CYP46A1: variants seen among roughly 807,000 people sequenced by gnomAD.
The protein encoded by CYP46A1 is cholesterol 24-hydroxylase.
Under a neutral mutation model 63.3 loss-of-function variants are expected in CYP46A1, and 20 were observed. That is an observed-to-expected ratio of 0.32 (90% CI 0.22 to 0.46). The LOEUF (loss-of-function observed/expected upper bound fraction) is 0.46. CYP46A1 is among the 20% of genes least tolerant of loss of function. The pLI is 1.00. For synonymous variants in CYP46A1, 268 were observed against 273.6 expected (o/e 0.98, Z 0.20); for missense variants, 445 against 670.8 (o/e 0.66, Z 3.72).
intron 5 of CYP46A1, among the ~76,000 whole-genome samples, chr14:99,704,926 AGCCCCATGGTG>A (rs779636011): frequency 6.6e-5 from 10 of 152,312 alleles, no homozygotes; most frequent in Non-Finnish European, 1.0e-4. Context: ...TGTGTGCACC[AGCCCCATGGTG>A]GGCAGGAGCA....
rs927737426 is a variant in CYP46A1, at chr14:99,684,302, C to A, written c.-116C>A. ...CGAGCGGGCGGGGAGGGTGCTGGGT[C>A]GCGCCTGGCCTGGGGCCGAGGCGGC... On this transcript the variant is annotated 5_prime_UTR_variant, in exon 1 of 15. Transcript: ENST00000261835. 8 of 450,514 alleles carry A rather than the reference C, an allele frequency of 1.8e-5. No homozygotes were observed. Among genetic ancestry groups the A allele is most frequent in the Non-Finnish European group, 2.0e-5 (6 of 302,964 alleles). The allele number at this position is 450,514 out of a possible 1,614,324, so 27.9% of individuals were successfully genotyped here.
rs2056885131 is a variant in CYP46A1, at chr14:99,725,256, TGAG to T, written c.1177-133_1177-131del. The T allele has an allele frequency of 6.0e-6, 4 of 668,142 alleles. No individual in the cohort carries two copies. The East Asian group carries it at 1.1e-4, about 18-fold the overall frequency. 41.4% of individuals were successfully genotyped at this position (668,142 alleles called of 1,614,324 possible). On this transcript the variant is annotated intron_variant, in intron 12 of 14. Transcript: ENST00000261835. The surrounding 1 kb of genome is among the most constrained non-coding windows in gnomAD (Gnocchi z 4.2). The stretch of plus-strand genomic sequence containing the variant: ...CCAGTGCAATGGACACCAACCTAGA[TGAG>T]GGGTGAAGACATGGGGGGAGGAGAG...
In CYP46A1 at chr14:99,722,004, C is replaced by T. The variant is rs760720152; in HGVS notation, c.1114C>T (p.Arg372Cys). 6.2e-7 allele frequency: 1 copy of T among 1,613,778 alleles called. No individual in the cohort carries two copies. Among genetic ancestry groups the T allele is most frequent in the South Asian group, 1.1e-5 (1 of 91,060 alleles). ...RLYPPAWGTF[R>C]LLEEETLIDG... The stretch of plus-strand genomic sequence containing the variant: ...GTACCCACCAGCATGGGGCACCTTT[C>T]GCCTGCTGGAAGAGGAGACCTTGAT... The change falls in exon 12 of 15, where the codon CGC becomes TGC. Residue 372 changes from arginine (R) to cysteine (C), a missense_variant. Physicochemically the swap from Arg to Cys is radical, Grantham distance 180. Coordinates refer to ENST00000261835, the MANE Select transcript of CYP46A1 (RefSeq NM_006668.2). The surrounding 1 kb of genome is among the most constrained non-coding windows in gnomAD (Gnocchi z 4.6).
chr14:99,685,559 T>C (rs1038632931), intron 1 of CYP46A1, among the ~76,000 whole-genome samples: 1 of 151,974 alleles, frequency 6.6e-6, no homozygotes, highest in South Asian at 2.1e-4. Context: ...CACTCTGTGT[T>C]CGCTTGTGTA....
chr14:99,691,054 A>G lies in CYP46A1; in HGVS notation c.120-27A>G, dbSNP rs778465931. The G allele has an allele frequency of 3.1e-6, 5 of 1,608,334 alleles. No individual in the cohort carries two copies. The South Asian group carries it at 5.5e-5, about 18-fold the overall frequency. ...GCGTTCTTTCCTGTTGACTGCTGGT[A>G]AGCCTAATGTTTCCTGTTTCTTCTA... is the stretch of plus-strand genomic sequence containing the variant. On this transcript the variant is annotated intron_variant, in intron 1 of 14. Transcript: ENST00000261835.
intron 3 of CYP46A1, 60 bp downstream of exon 3, chr14:99,691,921 G>A: frequency 6.5e-7 from 1 of 1,530,564 alleles, no homozygotes; most frequent in Non-Finnish European, 9.1e-7. Context: ...TTGGGGGAGT[G>A]AAGCCTGGTC....
intron 4 of CYP46A1, among the ~76,000 whole-genome samples, chr14:99,699,809 C>T (rs1212310235): frequency 6.6e-6 from 1 of 152,108 alleles, no homozygotes; most frequent in Non-Finnish European, 1.5e-5. Context: ...TTTAAAATTC[C>T]GGTAAAACTG....
chr14:99,707,348 A>G (rs1403520084), intron 6 of CYP46A1, among the ~76,000 whole-genome samples: 1 of 152,200 alleles, frequency 6.6e-6, no homozygotes, highest in Non-Finnish European at 1.5e-5. Context: ...CTTGTCAAGG[A>G]AGAAAGCCAA....
At position 99,715,915 on chromosome 14, in the gene CYP46A1, A is replaced by C; in HGVS notation, c.799A>C (p.Arg267=). 1 of 1,464,520 alleles carries C rather than the reference A, an allele frequency of 6.8e-7. No individual in the cohort carries two copies. The highest frequency in any genetic ancestry group is 9.2e-7 in the Non-Finnish European group (1 of 1,088,304). 90.7% of individuals were successfully genotyped at this position (1,464,520 alleles called of 1,614,324 possible). A position where few individuals can be genotyped will look rare whatever the true frequency, so the allele number is the denominator to read the frequency against. The change falls in exon 8 of 15, where the codon AGG becomes CGG. Residue 267 remains arginine, a synonymous_variant. Coordinates refer to ENST00000261835, the MANE Select transcript of CYP46A1 (RefSeq NM_006668.2). ...CCAGCGCCGCCGGGAAGCCCTGAAG[A>C]GGGGCGAGGAGGTTCCTGCCGACAT... is the stretch of plus-strand genomic sequence containing the variant. ...WVQRRREALK[R]GEEVPADILT...
intron 5 of CYP46A1, among the ~76,000 whole-genome samples, chr14:99,700,572 A>C (rs1192215800): frequency 6.6e-6 from 1 of 152,194 alleles, no homozygotes; most frequent in Non-Finnish European, 1.5e-5. Flanking sequence ...TGATGCTGTA[A>C]CCATGGTAAT....
intron 1 of CYP46A1, chr14:99,684,830 C>T: frequency 2.0e-6 from 1 of 509,766 alleles, no homozygotes; most frequent in South Asian, 1.6e-5. Context: ...CTGAGGCGCT[C>T]AGAGGCGAAG....
intron 2 of CYP46A1, 72 bp from the exon 3 acceptor site, chr14:99,691,708 C>T (rs921984171): frequency 7.0e-7 from 1 of 1,422,388 alleles, no homozygotes; most frequent in Non-Finnish European, 9.9e-7. Flanking sequence ...ATCGGTTTCT[C>T]AGCTGGGCGG....
chr14:99,699,448 T>C lies in CYP46A1; in HGVS notation c.283-18T>C, dbSNP rs780371607. The C allele has an allele frequency of 1.2e-6, 2 of 1,613,444 alleles. No individual in the cohort carries two copies. Among genetic ancestry groups the C allele is most frequent in the Admixed American group, 1.7e-5 (1 of 59,980 alleles). On this transcript the variant is annotated intron_variant, in intron 3 of 14. Coordinates refer to ENST00000261835, the MANE Select transcript of CYP46A1 (RefSeq NM_006668.2). ...TCATGGGTGCATGAGCCTATGTTGG[T>C]TTTTTGGGGATATTTAGAAGTTCCT...
At position 99,725,516 on chromosome 14, in the gene CYP46A1, G is replaced by T. The variant is rs970483587; in HGVS notation, c.1265+37G>T. 6.6e-7 allele frequency: 1 copy of T among 1,514,286 alleles called. No homozygotes were observed. Among genetic ancestry groups the T allele is most frequent in the African/African-American group, 1.4e-5 (1 of 72,978 alleles). The allele number at this position is 1,514,286 out of a possible 1,614,324, so 93.8% of individuals were successfully genotyped here. A position where few individuals can be genotyped will look rare whatever the true frequency, so the allele number is the denominator to read the frequency against. ...CTGGAGCTGCCCATGAGTGGGGCTG[G>T]CGGGAGAAGGACAGACACAGCGGCC... On this transcript the variant is annotated intron_variant, in intron 13 of 14. Coordinates refer to ENST00000261835, the MANE Select transcript of CYP46A1 (RefSeq NM_006668.2). The surrounding 1 kb of genome is among the most constrained non-coding windows in gnomAD (Gnocchi z 4.2).
intron 3 of CYP46A1, among the ~76,000 whole-genome samples, chr14:99,694,576 T>C (rs1355744759): frequency 6.6e-6 from 1 of 151,982 alleles, no homozygotes; most frequent in Non-Finnish European, 1.5e-5. Context: ...CTCAGCTTAC[T>C]GCAACCTCTG....
At chr14:99,685,376 T>G (rs2056485182) in intron 1 of CYP46A1, among the ~76,000 whole-genome samples, 1 of 130,364 alleles carries the variant, frequency 7.7e-6, no homozygotes, top group Non-Finnish European at 1.6e-5. Flanking sequence ...CTGGCGGGCT[T>G]CTTCCTCTGC....
intron 7 of CYP46A1, chr14:99,710,028 A>G (rs994424504): frequency 3.3e-5 from 5 of 152,294 alleles, no homozygotes; most frequent in Admixed American, 2.6e-4. Context: ...CAAACAAGCA[A>G]AAACCGAGGT....
rs184047834 is a variant in CYP46A1 at position 99,687,210 on chromosome 14, C to A, written c.119+2674C>A. ...AACTCAGACCCCCACACTCAGATCC[C>A]ACACAAACACCTGTAGCTTCTTTAT... On this transcript the variant is annotated intron_variant, in intron 1 of 14. Transcript: ENST00000261835. Among the ~76,000 whole-genome samples, 158 of 152,354 alleles carry A rather than the reference C, an allele frequency of 1.0e-3. 2 individuals are homozygous for A. Among genetic ancestry groups the A allele is most frequent in the Non-Finnish European group, 1.9e-3 (131 of 68,038 alleles).
intron 10 of CYP46A1, 46 bp downstream of exon 10, chr14:99,718,172 C>T (rs778579429): frequency 1.5e-5 from 24 of 1,574,036 alleles, no homozygotes; most frequent in Non-Finnish European, 1.9e-5. Context: ...TGTCTGATTT[C>T]TTGTTCCTGA....
Sources: allele counts gnomAD v4.1 joint callset (sites outside exome capture counted in the v4.1 genomes callset), GRCh38; gene constraint gnomAD v4.1.1; non-coding constraint Gnocchi (gnomAD v3.1); transcripts MANE v1.5; gene names NCBI Gene and HGNC (gene_info 2026-07-23, HGNC 2026-07-21).